Variants in CDC42BPB observed in about 807,000 individuals in gnomAD.
CDC42BPB encodes CDC42 binding protein kinase beta.
A neutral mutation model predicts 214.9 loss-of-function variants in CDC42BPB; 37 were observed. The ratio of observed to expected loss-of-function variants is 0.17; its 90% CI spans 0.13 to 0.23. The LOEUF is 0.23. Among genes scored for constraint, CDC42BPB ranks in the 10% least tolerant of loss-of-function variants. CDC42BPB has a pLI of 1.00. For synonymous variants in CDC42BPB, 931 were observed against 884.0 expected (o/e 1.05, Z -0.94); for missense variants, 1,694 against 2,227.0 (o/e 0.76, Z 4.82).
chr14:103,013,436 C>T (rs1231632289), intron 1 of CDC42BPB, among the ~76,000 whole-genome samples: 1 of 152,226 alleles, frequency 6.6e-6, no homozygotes, highest in Non-Finnish European at 1.5e-5. Context: ...TGAGAAAACT[C>T]AGCCAGGTTT....
At chr14:103,002,085 CTG>C (rs1895013213) in intron 4 of CDC42BPB, among the ~76,000 whole-genome samples, 2 of 152,190 alleles carry the variant, frequency 1.3e-5, no homozygotes, top group African/African-American at 2.4e-5. Context: ...CCAATAGAAA[CTG>C]TAGCAGAACC....
intron 5 of CDC42BPB, among the ~76,000 whole-genome samples, chr14:102,990,451 T>C (rs1894441580): frequency 6.6e-6 from 1 of 152,154 alleles, no homozygotes. Flanking sequence ...TGAGTGCACG[T>C]ACTAACGGTG....
chr14:103,043,536 T>C (rs1019334691), intron 1 of CDC42BPB, among the ~76,000 whole-genome samples: 4 of 152,234 alleles, frequency 2.6e-5, no homozygotes, highest in Admixed American at 6.5e-5. Context: ...TTGGGGATAA[T>C]AGCTAAAGGT....
Position 103,057,373 on chromosome 14 carries a change from G to GC in CDC42BPB, c.-201dup, listed in dbSNP as rs1889047735. 3 of 981,560 alleles carry GC rather than the reference G, an allele frequency of 3.1e-6. No individual in the cohort carries two copies. Among genetic ancestry groups the GC allele is most frequent in the Non-Finnish European group, 3.6e-6 (3 of 822,758 alleles). The allele number at this position is 981,560 out of a possible 1,614,324, so 60.8% of individuals were successfully genotyped here. On this transcript the variant is annotated 5_prime_UTR_variant, in exon 1 of 37. The change abolishes the stop of an existing upstream ORF in the 5' untranslated region. Transcript: ENST00000361246. ...GACGGCGCAGAGTCTGGGGCGCCGG[G>GC]CCCCGCGGGTCCATGGGCCGCTCTC...
rs1438738922 is a variant in CDC42BPB at position 103,031,986 on chromosome 14, TATTA to T, written c.176-19802_176-19799del. 6.2e-3 allele frequency among the ~76,000 whole-genome samples: 891 copies of T among 144,508 alleles called. 12 individuals are homozygous for T. The highest frequency in any genetic ancestry group is 0.024 in the African/African-American group (851 of 35,646). The allele number at this position is 144,508 out of a possible 152,430, so 94.8% of individuals were successfully genotyped here. A position where few individuals can be genotyped will look rare whatever the true frequency, so the allele number is the denominator to read the frequency against. On this transcript the variant is annotated intron_variant, in intron 1 of 36. Transcript: ENST00000361246. ...AAGACCTGCCTTCTATTATTATTAT[TATTA>T]TTTTTTTTTTTTTAAGAAAAATGCC...
intron 21 of CDC42BPB, among the ~76,000 whole-genome samples, chr14:102,958,547 C>T (rs952649438): frequency 7.2e-5 from 11 of 152,256 alleles, no homozygotes; most frequent in African/African-American, 2.4e-4. Context: ...AAGGGTGCAT[C>T]CCTACAGGTT....
intron 4 of CDC42BPB, among the ~76,000 whole-genome samples, chr14:103,000,811 G>A (rs546584301): frequency 2.6e-5 from 4 of 152,174 alleles, no homozygotes; most frequent in Non-Finnish European, 4.4e-5. Context: ...TCCTGTTCAC[G>A]CTCCCACCTG....
At chr14:103,056,390 C>A (rs1247069135) in intron 1 of CDC42BPB, among the ~76,000 whole-genome samples, 1 of 152,174 alleles carries the variant, frequency 6.6e-6, no homozygotes, top group African/African-American at 2.4e-5. Context: ...TGTAGACAGG[C>A]TGTCACCCAG....
intron 1 of CDC42BPB, among the ~76,000 whole-genome samples, chr14:103,040,817 G>A: frequency 6.6e-6 from 1 of 152,194 alleles, no homozygotes. Flanking sequence ...CGTGGGACAA[G>A]AGACTTTAAT....
rs1481742916 is a variant in CDC42BPB, at chr14:103,003,957, G to A, written c.418C>T (p.His140Tyr). The A allele has an allele frequency of 6.2e-7, 1 of 1,612,048 alleles. No homozygotes were observed. Among genetic ancestry groups the A allele is most frequent in the Non-Finnish European group, 8.5e-7 (1 of 1,179,392 alleles). Reference sequence around the variant, plus strand: ...TGGTTCTCGTCCTGAAAGGCGTAGTGCAGCGCGGTGATCCACTGGCAGTCG... The same window carrying A: ...TGGTTCTCGTCCTGAAAGGCGTAGTACAGCGCGGTGATCCACTGGCAGTCG... ...NGDCQWITAL[H>Y]YAFQDENHLY... The change falls in exon 4 of 37, where the codon CAC becomes TAC. Residue 140 changes from histidine (H) to tyrosine (Y), a missense_variant. His to Tyr is a moderately conservative substitution (Grantham distance 83). Coordinates refer to ENST00000361246, the MANE Select transcript of CDC42BPB (RefSeq NM_006035.4).
At chr14:102,968,770 A>G in intron 14 of CDC42BPB, 54 bp from the exon 15 acceptor site, 53 of 1,597,428 alleles carry the variant, frequency 3.3e-5, no homozygotes, top group Non-Finnish European at 4.4e-5. Flanking sequence ...CAAGGGTCAC[A>G]CTGTCCTTTC....
intron 1 of CDC42BPB, among the ~76,000 whole-genome samples, chr14:103,021,408 G>A (rs1441460006): frequency 6.6e-6 from 1 of 151,894 alleles, no homozygotes; most frequent in Admixed American, 6.6e-5. Context: ...GGAGCTTGCA[G>A]TGAGCTGAGA....
intron 21 of CDC42BPB, among the ~76,000 whole-genome samples, chr14:102,959,043 T>TC (rs2139423836): frequency 6.9e-6 from 1 of 144,178 alleles, no homozygotes; most frequent in Non-Finnish European, 1.5e-5. Flanking sequence ...ACGCCTGTAA[T>TC]CCCAGCACTC....
intron 36 of CDC42BPB, among the ~76,000 whole-genome samples, chr14:102,935,400 A>G (rs1357214864): frequency 1.3e-5 from 2 of 152,236 alleles, no homozygotes; most frequent in African/African-American, 2.4e-5. Context: ...CAGAGAAGGG[A>G]AAAATGTGTA....
chr14:102,966,479 C>T, intron 17 of CDC42BPB, 92 bp from the exon 18 acceptor site: 3 of 1,543,154 alleles, frequency 1.9e-6, no homozygotes, highest in Middle Eastern at 1.7e-4. Context: ...CCTCGGCACA[C>T]AGTGACACAG....
intron 1 of CDC42BPB, among the ~76,000 whole-genome samples, chr14:103,044,172 G>A (rs906794261): frequency 7.2e-5 from 11 of 152,062 alleles, no homozygotes; most frequent in African/African-American, 2.7e-4. Context: ...CAACAATTTG[G>A]TTTCAAATAC....
intron 6 of CDC42BPB, among the ~76,000 whole-genome samples, chr14:102,985,639 C>T (rs1055904833): frequency 9.2e-5 from 14 of 152,226 alleles, no homozygotes; most frequent in African/African-American, 3.4e-4. Context: ...CAACTGAAGC[C>T]AGTCACATGG....
chr14:102,996,232 C>T (rs548619439), intron 5 of CDC42BPB, among the ~76,000 whole-genome samples: 217 of 152,064 alleles, frequency 1.4e-3, no homozygotes, highest in African/African-American at 4.9e-3. Flanking sequence ...CCCAGCTACT[C>T]GGGAGGCTGA....
chr14:102,945,202 T>C, intron 29 of CDC42BPB: 2 of 456,398 alleles, frequency 4.4e-6, no homozygotes, highest in South Asian at 3.1e-5. Flanking sequence ...CCTTGAGGGA[T>C]GCTCCCCTGG....
Sources: allele counts gnomAD v4.1 joint callset (sites outside exome capture counted in the v4.1 genomes callset), GRCh38; gene constraint gnomAD v4.1.1; transcripts MANE v1.5; gene names NCBI Gene and HGNC (gene_info 2026-07-23, HGNC 2026-07-21).